The following RANBP2 variants were observed in gnomAD, a reference collection of about 807,000 sequenced individuals.
RANBP2 encodes the protein E3 SUMO-protein ligase RanBP2.
A neutral mutation model predicts 303.6 loss-of-function variants in RANBP2; 57 were observed. That is an observed-to-expected ratio of 0.19 (90% confidence interval 0.15 to 0.23). RANBP2 has a LOEUF of 0.23. RANBP2 is among the 10% of genes least tolerant of loss of function. RANBP2 has a pLI of 1.00. For synonymous variants in RANBP2, 1,167 were observed against 1,301.5 expected (o/e 0.90, Z 2.23); for missense variants, 3,138 against 3,780.8 (o/e 0.83, Z 4.46).
the RANBP2 span, among the ~76,000 whole-genome samples, chr2:109,698,692 T>C: frequency 1.3e-5 from 2 of 151,874 alleles, no homozygotes; most frequent in Non-Finnish European, 2.9e-5. Flanking sequence ...ATGACAGCTT[T>C]TTTTTTTTTA....
chr2:109,549,480 TCAA>T, the RANBP2 span, among the ~76,000 whole-genome samples: 3 of 152,332 alleles, frequency 2.0e-5, no homozygotes, highest in African/African-American at 4.8e-5. Context: ...GCTCTGGCTA[TCAA>T]CAACTATTCC....
chr2:108,755,520 G>C (rs1208773053), intron 17 of RANBP2, among the ~76,000 whole-genome samples: 3 of 151,900 alleles, frequency 2.0e-5, no homozygotes, highest in Non-Finnish European at 4.4e-5. Flanking sequence ...CTGCCACGAA[G>C]CCAGGACTAC....
the RANBP2 span, chr2:108,929,072 G>A: frequency 5.3e-6 from 6 of 1,128,960 alleles, no homozygotes; most frequent in Non-Finnish European, 7.8e-6. Context: ...TGGGACCAAG[G>A]CCAGGTGTGC....
the RANBP2 span, among the ~76,000 whole-genome samples, chr2:109,730,815 T>C: frequency 2.8e-5 from 4 of 141,784 alleles, no homozygotes; most frequent in South Asian, 9.4e-4. Context: ...TGAGACAGAG[T>C]TTCACTCTTG....
the RANBP2 span, among the ~76,000 whole-genome samples, chr2:109,298,634 C>G: frequency 6.6e-6 from 1 of 152,164 alleles, no homozygotes; most frequent in East Asian, 1.9e-4. Flanking sequence ...TCAAATGCTC[C>G]TCGGAGCACA....
At chr2:109,331,377 T>TCC in the RANBP2 span, among the ~76,000 whole-genome samples, 1 of 152,158 alleles carries the variant, frequency 6.6e-6, no homozygotes, top group Non-Finnish European at 1.5e-5. Context: ...CTTCTCTCTC[T>TCC]CCCCTTGTTT....
At chr2:109,136,425 G>A in the RANBP2 span, among the ~76,000 whole-genome samples, 11 of 152,200 alleles carry the variant, frequency 7.2e-5, no homozygotes, top group African/African-American at 2.2e-4. Context: ...CGAGCTGAAG[G>A]TATTGGCAAC....
the RANBP2 span, among the ~76,000 whole-genome samples, chr2:109,369,957 G>T: frequency 6.6e-6 from 1 of 152,200 alleles, no homozygotes; most frequent in Non-Finnish European, 1.5e-5. Flanking sequence ...CAGCTCTGAG[G>T]GGCTTCTCCA....
chr2:108,955,440 CAT>C, the RANBP2 span, among the ~76,000 whole-genome samples: 1 of 152,122 alleles, frequency 6.6e-6, no homozygotes, highest in African/African-American at 2.4e-5. Flanking sequence ...TTTGTAGAGA[CAT>C]ATATATCTTC....
At chr2:109,185,323 AT>A in the RANBP2 span, among the ~76,000 whole-genome samples, 1 of 152,292 alleles carries the variant, frequency 6.6e-6, no homozygotes, top group South Asian at 2.1e-4. Context: ...GTGTTTGCAT[AT>A]TTTTTTAAAC....
the RANBP2 span, among the ~76,000 whole-genome samples, chr2:109,467,915 C>T: frequency 5.9e-5 from 9 of 152,186 alleles, no homozygotes; most frequent in African/African-American, 1.9e-4. Flanking sequence ...ACCAACACCC[C>T]AGGGCGCAGT....
intron 20 of RANBP2, among the ~76,000 whole-genome samples, chr2:108,769,055 A>G (rs1292342276): frequency 2.0e-5 from 3 of 151,882 alleles, no homozygotes; most frequent in South Asian, 2.1e-4. Context: ...AAACAACGTG[A>G]TATTGAGATG....
At chr2:109,610,902 A>C in the RANBP2 span, among the ~76,000 whole-genome samples, 4 of 152,208 alleles carry the variant, frequency 2.6e-5, no homozygotes, top group African/African-American at 4.8e-5. Context: ...ACAGAACTAG[A>C]ATAGCTAAAA....
At chr2:109,732,044 G>A in the RANBP2 span, among the ~76,000 whole-genome samples, 1 of 151,930 alleles carries the variant, frequency 6.6e-6, no homozygotes, top group African/African-American at 2.4e-5. Flanking sequence ...TTTTTGTAGA[G>A]ACAGGGTTTT....
At chr2:108,997,224 G>A in the RANBP2 span, among the ~76,000 whole-genome samples, 33 of 152,072 alleles carry the variant, frequency 2.2e-4, no homozygotes, top group Non-Finnish European at 3.1e-4. Context: ...GGCAAATCAC[G>A]AGGTCAGGAG....
the RANBP2 span, among the ~76,000 whole-genome samples, chr2:109,729,412 TGA>T: frequency 6.6e-6 from 1 of 152,152 alleles, no homozygotes; most frequent in Non-Finnish European, 1.5e-5. Flanking sequence ...TTTGGGAGGC[TGA>T]GGCGGGCAGA....
At chr2:109,408,137 C>T in the RANBP2 span, among the ~76,000 whole-genome samples, 2 of 152,280 alleles carry the variant, frequency 1.3e-5, no homozygotes, top group Admixed American at 6.5e-5. Context: ...GCTGTTGAAG[C>T]CACATCCTGC....
At chr2:109,479,447 T>C in the RANBP2 span, among the ~76,000 whole-genome samples, 1 of 152,236 alleles carries the variant, frequency 6.6e-6, no homozygotes, top group African/African-American at 2.4e-5. Flanking sequence ...GGAACATTTC[T>C]TGTCTGGCAC....
the RANBP2 span, among the ~76,000 whole-genome samples, chr2:109,108,927 G>A: frequency 6.9e-6 from 1 of 145,514 alleles, no homozygotes; most frequent in African/African-American, 2.4e-5. Flanking sequence ...GCGTCAGCAA[G>A]TTCAGTCCCT....
Sources: allele counts gnomAD v4.1 joint callset (sites outside exome capture counted in the v4.1 genomes callset), GRCh38; gene constraint gnomAD v4.1.1; transcripts MANE v1.5; gene names NCBI Gene and HGNC (gene_info 2026-07-23, HGNC 2026-07-21).